ERBB4: variants seen among roughly 807,000 people sequenced by gnomAD.
ERBB4 encodes erb-b2 receptor tyrosine kinase 4.
ERBB4 carries 42 observed loss-of-function variants against 158.0 expected under a neutral mutation model. The ratio of observed to expected loss-of-function variants is 0.27; its 90% CI spans 0.21 to 0.34. The LOEUF is 0.34. Ranked by LOEUF, ERBB4 falls within the 10% of genes least tolerant of loss-of-function variation. ERBB4 has a pLI of 1.00. For synonymous variants in ERBB4, 583 were observed against 558.7 expected, an observed-to-expected ratio of 1.04 and a Z score of -0.61; for missense variants, 1,333 against 1,624.1, an observed-to-expected ratio of 0.82 and a Z score of 3.08.
intron 2 of ERBB4, among the ~76,000 whole-genome samples, chr2:211,994,646 T>A (rs1392934363): frequency 6.6e-6 from 1 of 152,114 alleles, no homozygotes; most frequent in Non-Finnish European, 1.5e-5. Context: ...CCAGACAATA[T>A]TTCTGAACAA....
At chr2:211,424,620 C>T (rs770188179) in intron 22 of ERBB4, among the ~76,000 whole-genome samples, 1 of 152,026 alleles carries the variant, frequency 6.6e-6, no homozygotes, top group Non-Finnish European at 1.5e-5. Context: ...CCAAGTTATA[C>T]CACGTTACAG....
intron 1 of ERBB4, among the ~76,000 whole-genome samples, chr2:212,146,203 G>T (rs1388326539): frequency 6.6e-6 from 1 of 152,164 alleles, no homozygotes; most frequent in African/African-American, 2.4e-5. Context: ...TAGTGTTTCA[G>T]TTATATGTTT....
At chr2:211,388,017 A>G in intron 25 of ERBB4, 25 bp from the exon 26 acceptor site, 2 of 1,530,840 alleles carry the variant, frequency 1.3e-6, no homozygotes, top group Non-Finnish European at 1.8e-6. Flanking sequence ...AAATGGAATG[A>G]TGGATATAAT....
At chr2:211,873,431 C>A (rs1409887338) in intron 3 of ERBB4, among the ~76,000 whole-genome samples, 1 of 152,008 alleles carries the variant, frequency 6.6e-6, no homozygotes, top group Non-Finnish European at 1.5e-5. Flanking sequence ...CTTCATAATA[C>A]AAAAATGTAC....
At chr2:212,045,614 CTAAG>C (rs1382281027) in intron 2 of ERBB4, among the ~76,000 whole-genome samples, 2 of 152,120 alleles carry the variant, frequency 1.3e-5, no homozygotes, top group African/African-American at 4.8e-5. Flanking sequence ...TCAGGGAGGA[CTAAG>C]TAAGAGTGGA....
chr2:211,894,004 G>C (rs971994700), intron 3 of ERBB4, among the ~76,000 whole-genome samples: 5 of 144,398 alleles, frequency 3.5e-5, no homozygotes, highest in African/African-American at 1.1e-4. Flanking sequence ...TCAGTGTGGC[G>C]ATTCCTCAGG....
chr2:212,011,602 T>C (rs2076388389), intron 2 of ERBB4, among the ~76,000 whole-genome samples: 1 of 151,812 alleles, frequency 6.6e-6, no homozygotes, highest in African/African-American at 2.4e-5. Context: ...AATACAAAAT[T>C]AGCCAGGTTT....
intron 19 of ERBB4, among the ~76,000 whole-genome samples, chr2:211,572,395 G>A (rs1371300002): frequency 2.0e-5 from 3 of 152,120 alleles, no homozygotes; most frequent in Non-Finnish European, 4.4e-5. Flanking sequence ...TGTCCCTCAA[G>A]CTCTATTCTC....
intron 1 of ERBB4, among the ~76,000 whole-genome samples, chr2:212,336,447 T>C (rs2088445074): frequency 1.3e-5 from 2 of 152,074 alleles, no homozygotes; most frequent in African/African-American, 2.4e-5. Context: ...GCCAATTATA[T>C]ATTGAAAGCT....
intron 7 of ERBB4, among the ~76,000 whole-genome samples, chr2:211,718,967 G>C (rs1250201589): frequency 6.6e-6 from 1 of 152,212 alleles, no homozygotes; most frequent in African/African-American, 2.4e-5. Flanking sequence ...CCAGGGAATA[G>C]GTCCTACAGG....
At chr2:211,781,626 T>C (rs564465942) in intron 4 of ERBB4, among the ~76,000 whole-genome samples, 1 of 152,276 alleles carries the variant, frequency 6.6e-6, no homozygotes, top group Admixed American at 6.5e-5. Context: ...AATGTAACTG[T>C]CACATATTTT....
At chr2:212,353,638 G>A (rs1323816572) in intron 1 of ERBB4, among the ~76,000 whole-genome samples, 4 of 97,798 alleles carry the variant, frequency 4.1e-5, no homozygotes, top group Admixed American at 1.1e-4. Context: ...ACACAAAGCT[G>A]ATAAATGTTG....
At chr2:211,389,623 A>C (rs760005013) in intron 25 of ERBB4, among the ~76,000 whole-genome samples, 18 of 152,178 alleles carry the variant, frequency 1.2e-4, no homozygotes, top group African/African-American at 4.3e-4. Flanking sequence ...TATGGCATGG[A>C]AAGTCAGAGA....
At chr2:212,165,499 T>C (rs2081320904) in intron 1 of ERBB4, among the ~76,000 whole-genome samples, 1 of 151,954 alleles carries the variant, frequency 6.6e-6, no homozygotes, top group Non-Finnish European at 1.5e-5. Flanking sequence ...ATCAGGGAGA[T>C]GTCATTCCTC....
chr2:212,032,734 A>G (rs1312162834), intron 2 of ERBB4, among the ~76,000 whole-genome samples: 1 of 151,990 alleles, frequency 6.6e-6, no homozygotes, highest in African/African-American at 2.4e-5. Context: ...CACTGACCCT[A>G]TTTCTACAGA....
At chr2:212,261,039 A>G (rs1465143688) in intron 1 of ERBB4, among the ~76,000 whole-genome samples, 4 of 152,180 alleles carry the variant, frequency 2.6e-5, no homozygotes, top group East Asian at 3.9e-4. Flanking sequence ...CCTGGGTTCT[A>G]TAATAATCCG....
At chr2:211,396,586 T>C (rs925889290) in intron 25 of ERBB4, among the ~76,000 whole-genome samples, 14 of 152,196 alleles carry the variant, frequency 9.2e-5, no homozygotes, top group Admixed American at 1.3e-4. Context: ...GTAAAAAATA[T>C]GAAGCGCACG....
intron 2 of ERBB4, among the ~76,000 whole-genome samples, chr2:212,006,665 G>T (rs539648774): frequency 2.0e-4 from 31 of 151,922 alleles, no homozygotes; most frequent in Non-Finnish European, 4.3e-4. Context: ...CTAATGATCC[G>T]TGGCTCAGAG....
chr2:212,278,109 A>G (rs1248597253), intron 1 of ERBB4, among the ~76,000 whole-genome samples: 1 of 151,770 alleles, frequency 6.6e-6, no homozygotes, highest in East Asian at 1.9e-4. Flanking sequence ...TTAGGACATA[A>G]ACAGTTTTGT....
Sources: allele counts gnomAD v4.1 joint callset (sites outside exome capture counted in the v4.1 genomes callset), GRCh38; gene constraint gnomAD v4.1.1; transcripts MANE v1.5; gene names NCBI Gene and HGNC (gene_info 2026-07-23, HGNC 2026-07-21).